The following FBXL7 variants were observed in gnomAD, a reference collection of about 807,000 sequenced individuals.
The protein encoded by FBXL7 is F-box and leucine rich repeat protein 7, also known as F-box/LRR-repeat protein 7.
Under a neutral mutation model 38.3 loss-of-function variants are expected in FBXL7, and 12 were observed. The ratio of observed to expected loss-of-function variants is 0.31; its 90% CI spans 0.20 to 0.51. The LOEUF (loss-of-function observed/expected upper bound fraction) is 0.51, where lower values mean the gene tolerates loss of function less well. Ranked by LOEUF, FBXL7 falls within the 20% of genes least tolerant of loss-of-function variation. The pLI is 0.98. For synonymous variants in FBXL7, 297 were observed against 300.9 expected (o/e 0.99, Z 0.13); for missense variants, 567 against 676.4 (o/e 0.84, Z 1.79).
At chr5:15,533,070 C>G (rs765424980) in intron 1 of FBXL7, among the ~76,000 whole-genome samples, 16 of 151,940 alleles carry the variant, frequency 1.1e-4, no homozygotes, top group South Asian at 2.1e-4. Flanking sequence ...TGTGGGAGAC[C>G]CGAATGGGGA....
intron 2 of FBXL7, among the ~76,000 whole-genome samples, chr5:15,629,634 G>T (rs1484513963): frequency 2.6e-5 from 4 of 152,104 alleles, no homozygotes; most frequent in Admixed American, 2.6e-4. Context: ...AGAGTTTTGT[G>T]TATGCTTCCT....
At chr5:15,932,175 A>C (rs1210387779) in intron 3 of FBXL7, among the ~76,000 whole-genome samples, 1 of 152,226 alleles carries the variant, frequency 6.6e-6, no homozygotes, top group African/African-American at 2.4e-5. Context: ...GCAGTGCAAC[A>C]GTTAAAAATT....
At chr5:15,884,140 C>G (rs1740576843) in intron 2 of FBXL7, among the ~76,000 whole-genome samples, 1 of 152,188 alleles carries the variant, frequency 6.6e-6, no homozygotes, top group South Asian at 2.1e-4. Flanking sequence ...TTCTAGGCAG[C>G]CACCATCTCC....
chr5:15,783,443 T>G (rs1737051477), intron 2 of FBXL7, among the ~76,000 whole-genome samples: 1 of 152,072 alleles, frequency 6.6e-6, no homozygotes, highest in Non-Finnish European at 1.5e-5. Flanking sequence ...ATTGACATGT[T>G]AGAGAATGAT....
At chr5:15,537,373 A>G (rs910647186) in intron 1 of FBXL7, among the ~76,000 whole-genome samples, 7 of 152,268 alleles carry the variant, frequency 4.6e-5, no homozygotes, top group African/African-American at 1.4e-4. Flanking sequence ...AGGACACACC[A>G]AGACTCCAGA....
intron 1 of FBXL7, among the ~76,000 whole-genome samples, chr5:15,555,806 G>GATAGATAT (rs2126428946): frequency 6.6e-6 from 1 of 151,954 alleles, no homozygotes; most frequent in Non-Finnish European, 1.5e-5. Flanking sequence ...TAGATAGATA[G>GATAGATAT]ATAGATAGAT....
intron 2 of FBXL7, among the ~76,000 whole-genome samples, chr5:15,875,755 G>C (rs1468704636): frequency 6.6e-6 from 1 of 152,146 alleles, no homozygotes; most frequent in Non-Finnish European, 1.5e-5. Flanking sequence ...GGAAACAACA[G>C]ATCCTGGAGA....
At chr5:15,878,996 A>G (rs1230161900) in intron 2 of FBXL7, among the ~76,000 whole-genome samples, 2 of 152,216 alleles carry the variant, frequency 1.3e-5, no homozygotes, top group African/African-American at 4.8e-5. Flanking sequence ...AGGTCCATCT[A>G]GATCAGTTGC....
At chr5:15,619,274 G>A (rs1362150068) in intron 2 of FBXL7, among the ~76,000 whole-genome samples, 1 of 152,144 alleles carries the variant, frequency 6.6e-6, no homozygotes, top group African/African-American at 2.4e-5. Context: ...TCTGTATTCA[G>A]TTAACAACTT....
intron 2 of FBXL7, among the ~76,000 whole-genome samples, chr5:15,789,331 C>G (rs1258866892): frequency 6.6e-6 from 1 of 152,208 alleles, no homozygotes; most frequent in African/African-American, 2.4e-5. Context: ...TGCAGTCTTT[C>G]CAGCCAGGGT....
chr5:15,881,707 A>T (rs1740459805), intron 2 of FBXL7, among the ~76,000 whole-genome samples: 2 of 152,306 alleles, frequency 1.3e-5, no homozygotes, highest in South Asian at 4.1e-4. Context: ...CTTGTATGAC[A>T]TTCCCAACCT....
intron 2 of FBXL7, among the ~76,000 whole-genome samples, chr5:15,777,745 A>T (rs950880501): frequency 4.1e-5 from 6 of 148,030 alleles, no homozygotes; most frequent in Non-Finnish European, 9.0e-5. Context: ...AAAAAAAAAA[A>T]AGTAAATTCC....
At chr5:15,519,808 C>T (rs16903899) in intron 1 of FBXL7, among the ~76,000 whole-genome samples, 4,807 of 152,106 alleles carry the variant, frequency 0.032, 249 homozygotes, top group African/African-American at 0.11. Context: ...GTTTCCTATC[C>T]CCTTTTGTTA....
chr5:15,784,417 G>A (rs1331801807), intron 2 of FBXL7, among the ~76,000 whole-genome samples: 3 of 152,166 alleles, frequency 2.0e-5, no homozygotes. Context: ...CACATTTGCT[G>A]AACTTCCATT....
At chr5:15,654,406 T>G (rs1472035207) in intron 2 of FBXL7, among the ~76,000 whole-genome samples, 1 of 140,214 alleles carries the variant, frequency 7.1e-6, no homozygotes, top group Non-Finnish European at 1.5e-5. Flanking sequence ...GGAGGAAAAT[T>G]CATAAAAAAC....
chr5:15,599,360 T>C (rs956513957), intron 1 of FBXL7, among the ~76,000 whole-genome samples: 1 of 152,176 alleles, frequency 6.6e-6, no homozygotes, highest in African/African-American at 2.4e-5. Flanking sequence ...TGTGTTTGTA[T>C]GTGTGTGTAT....
At chr5:15,823,616 G>A (rs1405336823) in intron 2 of FBXL7, among the ~76,000 whole-genome samples, 1 of 152,126 alleles carries the variant, frequency 6.6e-6, no homozygotes, top group Non-Finnish European at 1.5e-5. Context: ...TCAACTGTGG[G>A]CAGCTCTGTT....
intron 2 of FBXL7, among the ~76,000 whole-genome samples, chr5:15,793,280 A>G (rs1737324875): frequency 6.6e-6 from 1 of 152,220 alleles, no homozygotes; most frequent in Admixed American, 6.5e-5. Context: ...GAAGTCTGAA[A>G]TCAGGTGTCA....
chr5:15,752,731 A>C (rs1198259895), intron 2 of FBXL7, among the ~76,000 whole-genome samples: 1 of 152,192 alleles, frequency 6.6e-6, no homozygotes, highest in Non-Finnish European at 1.5e-5. Context: ...ACTTCATTTT[A>C]GTAAATGTAT....
Sources: gnomAD v4.1 joint callset for allele counts (sites outside exome capture counted in the v4.1 genomes callset) on GRCh38, gnomAD v4.1.1 for gene constraint, MANE v1.5 for transcripts, NCBI Gene and HGNC (gene_info 2026-07-23, HGNC 2026-07-21) for gene names.